The following FARP1 variants were observed in gnomAD, a reference collection of about 807,000 sequenced individuals.
The protein encoded by FARP1 is FERM, ARHGEF and pleckstrin domain-containing protein 1.
A neutral mutation model predicts 128.8 loss-of-function variants in FARP1; 52 were observed. The ratio of observed to expected loss-of-function variants is 0.40; its 90% confidence interval spans 0.32 to 0.51. FARP1 has a LOEUF of 0.51. Among genes scored for constraint, FARP1 ranks in the 20% least tolerant of loss-of-function variants. The pLI, the probability that FARP1 is intolerant of heterozygous loss-of-function variation, is 0.45. For missense variants in FARP1, 1,333 were observed against 1,367.9 expected (o/e 0.97, Z 0.40); for synonymous variants, 580 against 551.8 (o/e 1.05, Z -0.72).
Position 98,451,157 on chromosome 13 carries a change from T to G in FARP1, c.*2840T>G, listed in dbSNP as rs1274833538. On this transcript the variant is annotated 3_prime_UTR_variant, in exon 27 of 27. Transcript: ENST00000319562. Reference sequence around the variant, plus strand: ...TGATGTCATTGTCCATTTGTAAATCTGAAGAACTCTGTAAATCAGAAAAGC... The same window carrying G: ...TGATGTCATTGTCCATTTGTAAATCGGAAGAACTCTGTAAATCAGAAAAGC... The G allele has an allele frequency of 6.6e-6, 1 of 152,210 alleles. No homozygotes were observed. Among genetic ancestry groups the G allele is most frequent in the African/African-American group, 2.4e-5 (1 of 41,454 alleles). 9.4% of individuals were successfully genotyped at this position (152,210 alleles called of 1,614,324 possible). A position where few individuals can be genotyped will look rare whatever the true frequency, so the allele number is the denominator to read the frequency against.
At chr13:98,347,727 A>G (rs1888240366) in intron 3 of FARP1, among the ~76,000 whole-genome samples, 1 of 152,136 alleles carries the variant, frequency 6.6e-6, no homozygotes, top group African/African-American at 2.4e-5. Context: ...TTATTTTTTA[A>G]TATCACCATC....
At chr13:98,316,891 TA>T (rs1322083874) in intron 2 of FARP1, among the ~76,000 whole-genome samples, 5 of 152,166 alleles carry the variant, frequency 3.3e-5, no homozygotes, top group Admixed American at 2.0e-4. Context: ...GGAAAGCAAA[TA>T]GGGGTGCTTT....
intron 2 of FARP1, among the ~76,000 whole-genome samples, chr13:98,227,195 G>A (rs1164038772): frequency 6.6e-6 from 1 of 152,136 alleles, no homozygotes; most frequent in Admixed American, 6.5e-5. Context: ...GCCCGCCTTG[G>A]CCTCCCAAAG....
At chr13:98,149,281 T>C (rs1328092903) in intron 1 of FARP1, among the ~76,000 whole-genome samples, 2 of 152,170 alleles carry the variant, frequency 1.3e-5, no homozygotes, top group African/African-American at 4.8e-5. Context: ...GTCTTTCCCA[T>C]CCTCTTTATT....
At position 98,379,162 on chromosome 13, in the gene FARP1, A is replaced by T. The variant is rs867052399; in HGVS notation, c.496+1244A>T. On this transcript the variant is annotated intron_variant, in intron 6 of 26. Transcript: ENST00000319562. ...TATAATCTATATATAATATATATATAATATATAATCTATATATAATATATA... is the reference window on the plus strand; with the variant it reads ...TATAATCTATATATAATATATATATTATATATAATCTATATATAATATATA... 2.7e-4 allele frequency among the ~76,000 whole-genome samples: 31 copies of T among 112,914 alleles called. 5 individuals carry two copies. Among genetic ancestry groups the T allele is most frequent in the Non-Finnish European group, 4.7e-4 (28 of 59,298 alleles). 74.1% of individuals were successfully genotyped at this position (112,914 alleles called of 152,430 possible).
intron 2 of FARP1, among the ~76,000 whole-genome samples, chr13:98,232,347 C>T (rs1174358662): frequency 6.6e-6 from 1 of 152,118 alleles, no homozygotes; most frequent in Non-Finnish European, 1.5e-5. Flanking sequence ...GATTTTCATG[C>T]TAGGAGTGTA....
In FARP1 at chr13:98,454,249, A is replaced by G. The variant is rs1188039753; in HGVS notation, c.*5932A>G. The G allele has an allele frequency of 6.6e-6, 1 of 152,214 alleles. No individual in the cohort carries two copies. Among genetic ancestry groups the G allele is most frequent in the Non-Finnish European group, 1.5e-5 (1 of 68,048 alleles). The allele number at this position is 152,214 out of a possible 1,614,324, so 9.4% of individuals were successfully genotyped here. A position where few individuals can be genotyped will look rare whatever the true frequency, so the allele number is the denominator to read the frequency against. On this transcript the variant is annotated 3_prime_UTR_variant, in exon 27 of 27. Transcript: ENST00000319562. The stretch of plus-strand genomic sequence containing the variant: ...GGGCTACAGTGGTGGGATCATGGGT[A>G]ATTTCTGTGTCTTCCAAAAATTCTA...
intron 1 of FARP1, among the ~76,000 whole-genome samples, chr13:98,209,068 G>C (rs1652135753): frequency 6.6e-6 from 1 of 152,140 alleles, no homozygotes; most frequent in Non-Finnish European, 1.5e-5. Flanking sequence ...GAGTGCAGTG[G>C]CACGATCTCG....
chr13:98,366,456 C>T (rs921106088), intron 4 of FARP1, among the ~76,000 whole-genome samples: 8 of 152,196 alleles, frequency 5.3e-5, no homozygotes, highest in African/African-American at 1.9e-4. Context: ...AAGAGAAGCC[C>T]CCCAGCCTCA....
chr13:98,287,638 T>C (rs143825122), intron 2 of FARP1, among the ~76,000 whole-genome samples: 2 of 152,262 alleles, frequency 1.3e-5, no homozygotes, highest in East Asian at 1.9e-4. Context: ...TAAAAGCACA[T>C]ATTTCAACAT....
chr13:98,165,242 TC>T (rs1307412518), intron 1 of FARP1, among the ~76,000 whole-genome samples: 2 of 147,814 alleles, frequency 1.4e-5, no homozygotes, highest in Non-Finnish European at 3.0e-5. Flanking sequence ...AAAAAAATTG[TC>T]CAAAGTGAAT....
chr13:98,308,867 G>A (rs1305089003), intron 2 of FARP1, among the ~76,000 whole-genome samples: 1 of 151,932 alleles, frequency 6.6e-6, no homozygotes, highest in Admixed American at 6.6e-5. Flanking sequence ...TCACAAAAAC[G>A]GGGTTTCACC....
At chr13:98,220,069 G>T (rs568564005) in intron 2 of FARP1, among the ~76,000 whole-genome samples, 3 of 150,242 alleles carry the variant, frequency 2.0e-5, no homozygotes, top group African/African-American at 7.4e-5. Flanking sequence ...TTTTCTCCCC[G>T]CAAAGAGGTG....
chr13:98,260,248 T>C (rs1044979592), intron 2 of FARP1, among the ~76,000 whole-genome samples: 2 of 152,206 alleles, frequency 1.3e-5, no homozygotes, highest in African/African-American at 4.8e-5. Flanking sequence ...AGGTATTATG[T>C]GTTGAGTTTT....
At chr13:98,384,610 C>G in intron 6 of FARP1, 120 bp from the exon 7 acceptor site, 2 of 644,438 alleles carry the variant, frequency 3.1e-6, no homozygotes, top group East Asian at 5.4e-5. Context: ...TTCTGATGTT[C>G]CCCACCAACT....
At chr13:98,228,751 C>T (rs1881939734) in intron 2 of FARP1, among the ~76,000 whole-genome samples, 1 of 152,074 alleles carries the variant, frequency 6.6e-6, no homozygotes, top group African/African-American at 2.4e-5. Flanking sequence ...TGCAGATTAC[C>T]TAATTCTAAG....
intron 2 of FARP1, among the ~76,000 whole-genome samples, chr13:98,325,229 A>G (rs1461884690): frequency 6.6e-6 from 1 of 151,004 alleles, no homozygotes; most frequent in Non-Finnish European, 1.5e-5. Flanking sequence ...TCTTTCCATG[A>G]GTATTGAAAA....
intron 5 of FARP1, among the ~76,000 whole-genome samples, chr13:98,372,500 T>C (rs1342784516): frequency 6.6e-6 from 1 of 152,148 alleles, no homozygotes; most frequent in East Asian, 1.9e-4. Flanking sequence ...TGGATCCAGC[T>C]TCTACTTGCC....
chr13:98,441,252 G>A (rs1383206250), intron 24 of FARP1, among the ~76,000 whole-genome samples: 2 of 152,196 alleles, frequency 1.3e-5, no homozygotes, highest in African/African-American at 4.8e-5. Context: ...AGGAGAGTCT[G>A]CACGATGGCA....
Sources: allele counts gnomAD v4.1 joint callset (sites outside exome capture counted in the v4.1 genomes callset), GRCh38; gene constraint gnomAD v4.1.1; transcripts MANE v1.5; gene names NCBI Gene and HGNC (gene_info 2026-07-23, HGNC 2026-07-21).